ZSWIM5: variants seen among roughly 807,000 people sequenced by gnomAD.
ZSWIM5 encodes zinc finger SWIM domain-containing protein 5.
A neutral mutation model predicts 119.6 loss-of-function variants in ZSWIM5; 55 were observed. The ratio of observed to expected loss-of-function variants is 0.46; its 90% CI spans 0.37 to 0.58. The LOEUF (loss-of-function observed/expected upper bound fraction) is 0.58. Among genes scored for constraint, ZSWIM5 ranks in the 20% least tolerant of loss-of-function variants. The pLI is 0.00. For missense variants in ZSWIM5, 1,193 were observed against 1,512.8 expected (o/e 0.79, Z 3.51); for synonymous variants, 537 against 606.9 (o/e 0.88, Z 1.69).
intron 1 of ZSWIM5, among the ~76,000 whole-genome samples, chr1:45,180,580 T>A (rs1449889535): frequency 2.0e-5 from 3 of 152,138 alleles, no homozygotes; most frequent in African/African-American, 7.2e-5. Context: ...AGGAGAGCAG[T>A]GGTTCTCCCA....
intron 2 of ZSWIM5, chr1:45,070,049 A>G: frequency 2.4e-6 from 2 of 837,412 alleles, no homozygotes; most frequent in Middle Eastern, 2.3e-4. Flanking sequence ...TCAATAAGAC[A>G]CACACGAATC....
chr1:45,054,355 G>C (rs1645108460), intron 4 of ZSWIM5, among the ~76,000 whole-genome samples: 2 of 152,112 alleles, frequency 1.3e-5, no homozygotes, highest in Non-Finnish European at 2.9e-5. Flanking sequence ...GGCCGAGGCA[G>C]GTGGATCACT....
chr1:45,118,737 CAAAAAAAA>C (rs60441320), intron 1 of ZSWIM5, among the ~76,000 whole-genome samples: 5 of 95,270 alleles, frequency 5.2e-5, no homozygotes, highest in Admixed American at 1.2e-4. Flanking sequence ...GAACCTGTCT[CAAAAAAAA>C]AAAAAAAAAA....
At position 45,183,105 on chromosome 1, in the gene ZSWIM5, C is replaced by T. The variant is rs147337774; in HGVS notation, c.595+22651G>A. On this transcript the variant is annotated intron_variant, in intron 1 of 13. Coordinates refer to ENST00000359600, the MANE Select transcript of ZSWIM5 (RefSeq NM_020883.2). ...CAGGATTAAGAAACTCACTCAAGTC[C>T]GCTCAACTACATGGAAACTGAACAA... is the stretch of plus-strand genomic sequence containing the variant. Among the ~76,000 whole-genome samples, 1,384 of 152,174 alleles carry T rather than the reference C, an allele frequency of 9.1e-3. 27 individuals carry two copies. Among genetic ancestry groups the T allele is most frequent in the African/African-American group, 0.032 (1,326 of 41,504 alleles).
At chr1:45,168,856 G>A (rs1351690715) in intron 1 of ZSWIM5, among the ~76,000 whole-genome samples, 2 of 151,944 alleles carry the variant, frequency 1.3e-5, no homozygotes, top group Non-Finnish European at 2.9e-5. Flanking sequence ...TAGAACAGAG[G>A]AAAGGACATC....
intron 1 of ZSWIM5, among the ~76,000 whole-genome samples, chr1:45,130,095 G>A (rs972304064): frequency 1.8e-4 from 28 of 151,930 alleles, no homozygotes; most frequent in African/African-American, 6.3e-4. Context: ...ACAGGGTTTC[G>A]CCATGTTGGC....
At chr1:45,202,562 T>C (rs550675585) in intron 1 of ZSWIM5, among the ~76,000 whole-genome samples, 1 of 152,068 alleles carries the variant, frequency 6.6e-6, no homozygotes, top group Admixed American at 6.5e-5. Context: ...ACTAAAACTA[T>C]GGGGTTTTGT....
intron 1 of ZSWIM5, among the ~76,000 whole-genome samples, chr1:45,176,704 T>G (rs1645983791): frequency 6.6e-6 from 1 of 152,026 alleles, no homozygotes; most frequent in Admixed American, 6.6e-5. Context: ...ATAAGGACAT[T>G]CTTCTCACTG....
chr1:45,043,418 C>T (rs1645028499), intron 5 of ZSWIM5, 23 bp from the exon 6 acceptor site: 3 of 1,612,616 alleles, frequency 1.9e-6, no homozygotes, highest in African/African-American at 1.3e-5. Flanking sequence ...GAACATGCAG[C>T]AGTACAGTGA....
At chr1:45,078,507 C>T (rs1281631108) in intron 2 of ZSWIM5, among the ~76,000 whole-genome samples, 1 of 152,202 alleles carries the variant, frequency 6.6e-6, no homozygotes, top group Non-Finnish European at 1.5e-5. Flanking sequence ...GTTCTCTTCC[C>T]TTAGTTTCTC....
At chr1:45,117,755 G>A (rs946120174) in intron 1 of ZSWIM5, among the ~76,000 whole-genome samples, 5 of 152,140 alleles carry the variant, frequency 3.3e-5, no homozygotes, top group African/African-American at 1.2e-4. Flanking sequence ...GCATAAAGTG[G>A]TACAGAGACT....
chr1:45,200,896 C>A (rs1172899748), intron 1 of ZSWIM5, among the ~76,000 whole-genome samples: 2 of 152,066 alleles, frequency 1.3e-5, no homozygotes, highest in Non-Finnish European at 2.9e-5. Context: ...TGTCACCCCC[C>A]AAAAAATATG....
intron 2 of ZSWIM5, among the ~76,000 whole-genome samples, chr1:45,065,714 A>G (rs1645178647): frequency 6.6e-6 from 1 of 152,200 alleles, no homozygotes. Flanking sequence ...AATGGGTGAC[A>G]GCAGCAAAAA....
chr1:45,062,699 G>T (rs866509728), intron 2 of ZSWIM5, among the ~76,000 whole-genome samples: 1 of 152,020 alleles, frequency 6.6e-6, no homozygotes, highest in African/African-American at 2.4e-5. Context: ...TAGAGATAGG[G>T]TCTTGCTATA....
At chr1:45,086,472 T>C (rs1407599311) in intron 2 of ZSWIM5, among the ~76,000 whole-genome samples, 3 of 152,222 alleles carry the variant, frequency 2.0e-5, no homozygotes, top group Non-Finnish European at 4.4e-5. Context: ...GTAGAAATTA[T>C]TATACCCCAC....
At chr1:45,062,286 G>A (rs1037467950) in intron 2 of ZSWIM5, among the ~76,000 whole-genome samples, 15 of 151,986 alleles carry the variant, frequency 9.9e-5, no homozygotes, top group East Asian at 3.8e-4. Flanking sequence ...CTTACTCCTC[G>A]TCTCCCTATG....
chr1:45,141,773 A>G (rs927450534), intron 1 of ZSWIM5, among the ~76,000 whole-genome samples: 6 of 152,096 alleles, frequency 3.9e-5, no homozygotes, highest in African/African-American at 1.4e-4. Flanking sequence ...GACCTTGAAC[A>G]CGCACACAAA....
At chr1:45,070,024 T>A in intron 2 of ZSWIM5, 1 of 776,640 alleles carries the variant, frequency 1.3e-6, no homozygotes. Flanking sequence ...AATACTTGAG[T>A]AGCTATGAAA....
At chr1:45,151,736 G>A (rs1440972926) in intron 1 of ZSWIM5, among the ~76,000 whole-genome samples, 1 of 152,008 alleles carries the variant, frequency 6.6e-6, no homozygotes, top group African/African-American at 2.4e-5. Flanking sequence ...GCCAAGACTC[G>A]AAAAAGGAAC....
Sources: allele counts gnomAD v4.1 joint callset (sites outside exome capture counted in the v4.1 genomes callset), GRCh38; gene constraint gnomAD v4.1.1; transcripts MANE v1.5; gene names NCBI Gene and HGNC (gene_info 2026-07-23, HGNC 2026-07-21).